Variants in KLHL1 observed in about 807,000 individuals in gnomAD.
The protein encoded by KLHL1 is kelch-like protein 1.
KLHL1 carries 47 observed loss-of-function variants against 77.7 expected under a neutral mutation model. That is an observed-to-expected ratio of 0.60 (90% CI 0.48 to 0.77). The LOEUF (loss-of-function observed/expected upper bound fraction) is 0.77, where lower values mean the gene tolerates loss of function less well. Ranked by LOEUF, KLHL1 falls within the 30% of genes least tolerant of loss-of-function variation. KLHL1 has a pLI of 0.00. For missense variants in KLHL1, 925 were observed against 910.8 expected (o/e 1.02, Z -0.20); for synonymous variants, 360 against 325.2 (o/e 1.11, Z -1.15).
intron 7 of KLHL1, among the ~76,000 whole-genome samples, chr13:69,786,627 A>G (rs148526977): frequency 0.015 from 2,324 of 152,284 alleles, 21 homozygotes; most frequent in Non-Finnish European, 0.024. Flanking sequence ...CACCACTCCT[A>G]TTCAACATAC....
At chr13:70,034,070 G>C (rs1886182992) in intron 1 of KLHL1, among the ~76,000 whole-genome samples, 2 of 152,128 alleles carry the variant, frequency 1.3e-5, no homozygotes, top group Admixed American at 1.3e-4. Context: ...TGCTTTAGTT[G>C]TTTAAGTTCT....
intron 7 of KLHL1, among the ~76,000 whole-genome samples, chr13:69,755,826 A>G (rs1874701226): frequency 6.6e-6 from 1 of 152,216 alleles, no homozygotes; most frequent in Non-Finnish European, 1.5e-5. Flanking sequence ...TATAGTAAAT[A>G]AAATGAAACA....
At chr13:69,717,612 G>A (rs1441080095) in intron 9 of KLHL1, among the ~76,000 whole-genome samples, 1 of 152,058 alleles carries the variant, frequency 6.6e-6, no homozygotes, top group African/African-American at 2.4e-5. Flanking sequence ...AGTTGGATGA[G>A]AATATTTGGA....
Position 69,701,714 on chromosome 13 carries a change from G to A in KLHL1, c.2235C>T (p.Ile745=). Residue 745 remains isoleucine (I), a synonymous_variant, in exon 11 of 11, where the codon ATC becomes ATT. Transcript: ENST00000377844. ...AAATATCAATAAGTCAAGGTTGCTT[G>A]ATGACTACCACACAGGCACCTGCTC... is the stretch of plus-strand genomic sequence containing the variant. ...IGRAGACVVV[I]KQP 1 of 1,607,994 alleles carries A rather than the reference G, an allele frequency of 6.2e-7. No homozygotes were observed. The highest frequency in any genetic ancestry group is 2.2e-5 in the East Asian group (1 of 44,660).
chr13:70,045,693 T>C (rs1886478181), intron 1 of KLHL1, among the ~76,000 whole-genome samples: 1 of 152,206 alleles, frequency 6.6e-6, no homozygotes, highest in Non-Finnish European at 1.5e-5. Context: ...TATGGAGTTT[T>C]AAAGAAATAT....
intron 3 of KLHL1, among the ~76,000 whole-genome samples, chr13:69,942,116 AT>A (rs1883382811): frequency 6.6e-6 from 1 of 151,958 alleles, no homozygotes; most frequent in Admixed American, 6.6e-5. Flanking sequence ...TATTTTATTC[AT>A]TTTTCTGAAT....
chr13:69,742,577 A>G (rs1291828922), intron 7 of KLHL1, among the ~76,000 whole-genome samples: 2 of 152,342 alleles, frequency 1.3e-5, no homozygotes, highest in East Asian at 1.9e-4. Flanking sequence ...GTGAGCTCCT[A>G]TATCAGTCAA....
chr13:69,969,262 A>G (rs1008080133), intron 2 of KLHL1, among the ~76,000 whole-genome samples: 5 of 152,096 alleles, frequency 3.3e-5, no homozygotes, highest in Admixed American at 1.3e-4. Flanking sequence ...ATTAATGCTG[A>G]GGATGGTAAC....
At chr13:70,075,496 ACAAT>A (rs1179444805) in intron 1 of KLHL1, among the ~76,000 whole-genome samples, 1 of 147,780 alleles carries the variant, frequency 6.8e-6, no homozygotes. Flanking sequence ...GAAGCAAATA[ACAAT>A]TAATATATAT....
chr13:69,790,964 A>G (rs530296000), intron 7 of KLHL1, among the ~76,000 whole-genome samples: 10 of 152,226 alleles, frequency 6.6e-5, no homozygotes, highest in Admixed American at 3.9e-4. Context: ...AAAAACATCT[A>G]TTTTTAAAAA....
intron 1 of KLHL1, among the ~76,000 whole-genome samples, chr13:69,982,482 A>AAT (rs1566471019): frequency 4.0e-4 from 54 of 136,538 alleles, no homozygotes; most frequent in Non-Finnish European, 7.0e-4. Flanking sequence ...ATAATAATAA[A>AAT]ATAAAAAGCA....
rs1287027451 is a variant in KLHL1 at position 69,918,703 on chromosome 13, T to A, written c.1014+21337A>T. Among the ~76,000 whole-genome samples the A allele has an allele frequency of 2.6e-5, 4 of 152,102 alleles. No individual in the cohort carries two copies. In the East Asian group the frequency reaches 7.7e-4, roughly 29 times the overall value. ...GGTCAGGTTGAACTTAGTTTCCAAT[T>A]TTCAACTGTTGCTTTTCACTCCTGT... On this transcript the variant is annotated intron_variant, in intron 4 of 10. Coordinates refer to ENST00000377844, the MANE Select transcript of KLHL1 (RefSeq NM_020866.3).
intron 1 of KLHL1, among the ~76,000 whole-genome samples, chr13:70,034,769 G>C (rs2439686): frequency 6.6e-6 from 1 of 151,944 alleles, no homozygotes; most frequent in Non-Finnish European, 1.5e-5. Context: ...TATATCTAGA[G>C]TTCTTAAACA....
chr13:69,922,051 C>A (rs1882658545), intron 4 of KLHL1, among the ~76,000 whole-genome samples: 1 of 151,428 alleles, frequency 6.6e-6, no homozygotes, highest in African/African-American at 2.4e-5. Context: ...GCCTCAGAAT[C>A]CTGAGTAGCT....
intron 2 of KLHL1, among the ~76,000 whole-genome samples, chr13:69,966,583 A>T (rs969097256): frequency 1.3e-5 from 2 of 152,192 alleles, no homozygotes; most frequent in Admixed American, 6.6e-5. Context: ...TATTATTTTT[A>T]AAAAGTATAT....
At chr13:70,046,001 G>GT (rs1566528987) in intron 1 of KLHL1, among the ~76,000 whole-genome samples, 2 of 152,154 alleles carry the variant, frequency 1.3e-5, no homozygotes, top group African/African-American at 2.4e-5. Flanking sequence ...TAGTTAAGTT[G>GT]TTTTTTGTAA....
intron 7 of KLHL1, among the ~76,000 whole-genome samples, chr13:69,773,887 AG>A (rs1875699111): frequency 4.6e-5 from 7 of 151,502 alleles, no homozygotes; most frequent in African/African-American, 1.7e-4. Context: ...ATATATACAT[AG>A]AATAAAACGT....
At chr13:69,768,161 G>A (rs1025192386) in intron 7 of KLHL1, among the ~76,000 whole-genome samples, 2 of 152,054 alleles carry the variant, frequency 1.3e-5, no homozygotes, top group African/African-American at 4.8e-5. Flanking sequence ...AATATCCATA[G>A]ATCAAGCTTT....
At chr13:69,801,548 T>C (rs1877382565) in intron 6 of KLHL1, among the ~76,000 whole-genome samples, 2 of 152,090 alleles carry the variant, frequency 1.3e-5, no homozygotes, top group Admixed American at 6.6e-5. Flanking sequence ...AGTAATAATA[T>C]TATTTTATAA....
Sources: allele counts gnomAD v4.1 joint callset (sites outside exome capture counted in the v4.1 genomes callset), GRCh38; gene constraint gnomAD v4.1.1; transcripts MANE v1.5; gene names NCBI Gene and HGNC (gene_info 2026-07-23, HGNC 2026-07-21).